FMO1: variants seen among roughly 807,000 people sequenced by gnomAD.
FMO1 encodes the protein flavin-containing monooxygenase 1.
FMO1 carries 36 observed loss-of-function variants against 45.4 expected under a neutral mutation model. The ratio of observed to expected loss-of-function variants is 0.79; its 90% CI spans 0.61 to 1.05. FMO1 has a LOEUF of 1.05. Among genes scored for constraint, FMO1 ranks in the 50% least tolerant of loss-of-function variants. The pLI, the probability that FMO1 is intolerant of heterozygous loss-of-function variation, is 0.00. For missense variants in FMO1, 615 were observed against 640.3 expected (o/e 0.96, Z 0.43); for synonymous variants, 228 against 227.2 (o/e 1.00, Z -0.03).
At chr1:171,262,945 T>G (rs1329983639) in intron 2 of FMO1, among the ~76,000 whole-genome samples, 1 of 152,086 alleles carries the variant, frequency 6.6e-6, no homozygotes, top group Non-Finnish European at 1.5e-5. Context: ...TTAAGGAAAT[T>G]AAAAGAAGGA....
intron 8 of FMO1, 57 bp downstream of exon 8, chr1:171,283,273 A>AAAAAAAAAAAAAAAAAAAAAAAAAG (rs1661459884): frequency 2.0e-6 from 1 of 511,272 alleles, no homozygotes; most frequent in Non-Finnish European, 3.1e-6. Flanking sequence ...GGTAAAAAAA[A>AAAAAAAAAAAAAAAAAAAAAAAAAG]AAAAAAAAAA....
intron 3 of FMO1, chr1:171,270,995 C>A: frequency 1.1e-6 from 1 of 945,030 alleles, no homozygotes; most frequent in South Asian, 1.4e-5. Context: ...TCTACCTCCT[C>A]ATCATAATCT....
At chr1:171,273,668 C>T (rs1660970185) in intron 3 of FMO1, among the ~76,000 whole-genome samples, 2 of 152,102 alleles carry the variant, frequency 1.3e-5, no homozygotes, top group Admixed American at 1.3e-4. Context: ...CACATACTAC[C>T]ATGCCTGGCT....
intron 8 of FMO1, among the ~76,000 whole-genome samples, chr1:171,283,935 T>C (rs1380798138): frequency 6.6e-6 from 1 of 152,204 alleles, no homozygotes; most frequent in Non-Finnish European, 1.5e-5. Context: ...TAAAGTTTAT[T>C]GAGCACTTCT....
chr1:171,283,200 G>T lies in FMO1; in HGVS notation c.1240G>T (p.Glu414Ter), dbSNP rs753467526. ...VMIEEINARK[E>*]NKPSWFGLCY... The stretch of plus-strand genomic sequence containing the variant: ...GATAGAGGAAATTAATGCAAGGAAA[G>T]AAAACAAGCCCAGTTGGTAAGTTAA... The change falls in exon 8 of 9, where the codon GAA becomes TAA. Residue 414 changes from glutamate (E) to a stop codon, truncating the protein, a stop_gained. Coordinates refer to ENST00000617670, the MANE Select transcript of FMO1 (RefSeq NM_001282693.2). LOFTEE classifies it low-confidence loss of function (END_TRUNC). The T allele has an allele frequency of 2.3e-6, 3 of 1,301,096 alleles. No homozygotes were observed. The Admixed American group carries it at 7.5e-5, about 32-fold the overall frequency. The allele number at this position is 1,301,096 out of a possible 1,614,324, so 80.6% of individuals were successfully genotyped here.
chr1:171,263,069 G>A (rs1660441594), intron 2 of FMO1, among the ~76,000 whole-genome samples: 1 of 152,164 alleles, frequency 6.6e-6, no homozygotes, highest in South Asian at 2.1e-4. Flanking sequence ...AAATGAGAAA[G>A]AAAAGAACTG....
intron 1 of FMO1, among the ~76,000 whole-genome samples, chr1:171,252,181 G>A (rs901254329): frequency 1.3e-5 from 2 of 152,070 alleles, no homozygotes; most frequent in East Asian, 1.9e-4. Flanking sequence ...TTTCCTCCAG[G>A]CCTCTCAGGT....
intron 2 of FMO1, among the ~76,000 whole-genome samples, chr1:171,260,336 A>G (rs1660323441): frequency 6.6e-6 from 1 of 152,184 alleles, no homozygotes; most frequent in East Asian, 1.9e-4. Context: ...AACTATCTGG[A>G]TGACCAGAAA....
At chr1:171,261,496 A>G (rs1052457656) in intron 2 of FMO1, among the ~76,000 whole-genome samples, 4 of 152,372 alleles carry the variant, frequency 2.6e-5, no homozygotes, top group South Asian at 2.1e-4. Flanking sequence ...ATGCAAAAGT[A>G]GAAAGGCAAA....
Position 171,280,977 on chromosome 1 carries a change from A to G in FMO1, c.819A>G (p.Pro273=), listed in dbSNP as rs1264160408. 6.2e-7 allele frequency: 1 copy of G among 1,613,414 alleles called. No individual in the cohort carries two copies. The highest frequency in any genetic ancestry group is 8.5e-7 in the Non-Finnish European group (1 of 1,179,570). ...WLNHANYGLI[P]EDRTQLKEFV... ...ATCATGCAAATTACGGCTTAATACCAGAAGACAGGTAAATATAATGTGACT... is the reference window on the plus strand; with the variant it reads ...ATCATGCAAATTACGGCTTAATACCGGAAGACAGGTAAATATAATGTGACT... Residue 273 remains proline, a synonymous_variant, in exon 6 of 9, where the codon CCA becomes CCG. Coordinates refer to ENST00000617670, the MANE Select transcript of FMO1 (RefSeq NM_001282693.2).
At chr1:171,253,717 T>G (rs1397990608) in intron 1 of FMO1, among the ~76,000 whole-genome samples, 2 of 151,856 alleles carry the variant, frequency 1.3e-5, no homozygotes, top group East Asian at 1.9e-4. Context: ...GCCGAGATCA[T>G]GCAATTACAC....
At chr1:171,268,248 A>C (rs1180449144) in intron 3 of FMO1, among the ~76,000 whole-genome samples, 2 of 151,996 alleles carry the variant, frequency 1.3e-5, no homozygotes, top group African/African-American at 4.8e-5. Flanking sequence ...CACCACACCC[A>C]GCTAGCTTTT....
At chr1:171,253,653 C>T (rs1002931286) in intron 1 of FMO1, among the ~76,000 whole-genome samples, 12 of 152,068 alleles carry the variant, frequency 7.9e-5, no homozygotes, top group South Asian at 2.1e-4. Context: ...CCCAGCTACT[C>T]GGGAGGCTGA....
At chr1:171,263,817 T>C (rs761436260) in intron 2 of FMO1, among the ~76,000 whole-genome samples, 23 of 152,230 alleles carry the variant, frequency 1.5e-4, no homozygotes, top group Middle Eastern at 3.4e-3. Context: ...AGTGTGGGTA[T>C]TGAAGGCTGG....
At position 171,275,995 on chromosome 1, in the gene FMO1, G is replaced by A. The variant is rs541648848; in HGVS notation, c.484+487G>A. ...ACGGCACTGGTCAATAGTCAAGAGG[G>A]AGATTAGTCTTGGGAGACAACTTAA... is the stretch of plus-strand genomic sequence containing the variant. On this transcript the variant is annotated intron_variant, in intron 4 of 8. Transcript: ENST00000617670. Among the ~76,000 whole-genome samples the A allele has an allele frequency of 5.3e-5, 8 of 152,272 alleles. No individual in the cohort carries two copies. The East Asian group carries it at 1.5e-3, about 29-fold the overall frequency.
At chr1:171,265,369 C>A (rs1172678852) in intron 2 of FMO1, among the ~76,000 whole-genome samples, 1 of 146,676 alleles carries the variant, frequency 6.8e-6, no homozygotes, top group African/African-American at 2.6e-5. Context: ...CTAGCCTGGG[C>A]GACAGAGCGA....
At chr1:171,265,671 G>A (rs1432617776) in intron 2 of FMO1, among the ~76,000 whole-genome samples, 1 of 152,086 alleles carries the variant, frequency 6.6e-6, no homozygotes, top group Non-Finnish European at 1.5e-5. Flanking sequence ...TGAAATTGCA[G>A]TTCTCCATGT....
intron 1 of FMO1, chr1:171,251,450 C>T (rs530150159): frequency 6.6e-6 from 1 of 151,086 alleles, no homozygotes; most frequent in African/African-American, 2.4e-5. Context: ...GTTGGTACCC[C>T]GTGTGAGAGG....
intron 8 of FMO1, among the ~76,000 whole-genome samples, chr1:171,284,295 C>A (rs1661526460): frequency 6.6e-6 from 1 of 151,976 alleles, no homozygotes; most frequent in African/African-American, 2.4e-5. Flanking sequence ...GTCAAGGTAC[C>A]AAATTCCAAA....
Sources: gnomAD v4.1 joint callset for allele counts (sites outside exome capture counted in the v4.1 genomes callset) on GRCh38, gnomAD v4.1.1 for gene constraint, MANE v1.5 for transcripts, NCBI Gene and HGNC (gene_info 2026-07-23, HGNC 2026-07-21) for gene names.